Variants in RHBDD1 observed in about 807,000 individuals in gnomAD.
The protein encoded by RHBDD1 is rhomboid domain containing 1, also known as rhomboid-related protein 4.
RHBDD1 carries 38 observed loss-of-function variants against 36.3 expected under a neutral mutation model. The ratio of observed to expected loss-of-function variants is 1.05; its 90% CI spans 0.81 to 1.37. The LOEUF (loss-of-function observed/expected upper bound fraction) is 1.37, where lower values mean the gene tolerates loss of function less well. Among genes scored for constraint, RHBDD1 ranks in the 40% most tolerant of loss-of-function variants. RHBDD1 has a pLI of 0.00. For synonymous variants in RHBDD1, 151 were observed against 136.5 expected, an observed-to-expected ratio of 1.11 and a Z score of -0.74; for missense variants, 393 against 377.6, an observed-to-expected ratio of 1.04 and a Z score of -0.34.
At chr2:226,894,637 T>G (rs1946952068) in intron 5 of RHBDD1, among the ~76,000 whole-genome samples, 1 of 152,224 alleles carries the variant, frequency 6.6e-6, no homozygotes, top group Non-Finnish European at 1.5e-5. Context: ...TTATGTTGAC[T>G]TGTGATTGTG....
intron 5 of RHBDD1, among the ~76,000 whole-genome samples, chr2:226,885,015 C>T (rs912454967): frequency 6.6e-6 from 1 of 152,018 alleles, no homozygotes; most frequent in African/African-American, 2.4e-5. Flanking sequence ...GGCAGATTGG[C>T]AAAGGCTATC....
chr2:226,942,159 T>C (rs918669508), intron 8 of RHBDD1, among the ~76,000 whole-genome samples: 1 of 152,088 alleles, frequency 6.6e-6, no homozygotes, highest in African/African-American at 2.4e-5. Flanking sequence ...CTTGTAAGTC[T>C]GTAGCCTGTC....
At chr2:226,806,706 T>C in the RHBDD1 span, among the ~76,000 whole-genome samples, 1 of 152,320 alleles carries the variant, frequency 6.6e-6, no homozygotes. Context: ...TCAGATCTTT[T>C]TACTCTTTCT....
At chr2:226,834,661 C>A (rs1341333926), upstream of RHBDD1, among the ~76,000 whole-genome samples, 1 of 152,198 alleles carries the variant, frequency 6.6e-6, no homozygotes, top group Non-Finnish European at 1.5e-5. Context: ...TATCTAAACA[C>A]AGCTGCTACA....
intron 5 of RHBDD1, among the ~76,000 whole-genome samples, chr2:226,870,888 G>T (rs1944747278): frequency 1.3e-5 from 2 of 152,118 alleles, no homozygotes; most frequent in African/African-American, 4.8e-5. Flanking sequence ...GGAGAATAGG[G>T]GGAGGAGTTG....
intron 8 of RHBDD1, among the ~76,000 whole-genome samples, chr2:226,966,709 C>A (rs1952657657): frequency 6.6e-6 from 1 of 152,132 alleles, no homozygotes; most frequent in South Asian, 2.1e-4. Flanking sequence ...AAAGTGTTGC[C>A]TGGAAGCTTG....
At chr2:226,887,330 T>C (rs1252022648) in intron 5 of RHBDD1, among the ~76,000 whole-genome samples, 1 of 152,262 alleles carries the variant, frequency 6.6e-6, no homozygotes, top group African/African-American at 2.4e-5. Flanking sequence ...TCTGTAGTTG[T>C]AGATTTCATT....
intron 8 of RHBDD1, among the ~76,000 whole-genome samples, chr2:226,945,403 T>TA (rs1440244353): frequency 6.6e-6 from 1 of 151,984 alleles, no homozygotes; most frequent in Non-Finnish European, 1.5e-5. Flanking sequence ...AGTGAGAACA[T>TA]ATGGTGTTTG....
intron 8 of RHBDD1, among the ~76,000 whole-genome samples, chr2:226,965,176 G>C (rs1226041398): frequency 6.6e-6 from 1 of 152,146 alleles, no homozygotes; most frequent in Non-Finnish European, 1.5e-5. Context: ...GGAGAAAGCA[G>C]ACACAGATGA....
chr2:226,874,952 A>C (rs1216030765), intron 5 of RHBDD1, among the ~76,000 whole-genome samples: 9 of 152,240 alleles, frequency 5.9e-5, no homozygotes, highest in Non-Finnish European at 1.3e-4. Flanking sequence ...TCAAAACCCA[A>C]ATCACATAGT....
chr2:226,943,032 C>G (rs993334706), intron 8 of RHBDD1, among the ~76,000 whole-genome samples: 4 of 152,136 alleles, frequency 2.6e-5, no homozygotes, highest in South Asian at 2.1e-4. Flanking sequence ...TGTTGTGTTG[C>G]TGGTGAGAAA....
At chr2:226,818,739 T>C in the RHBDD1 span, among the ~76,000 whole-genome samples, 1 of 151,794 alleles carries the variant, frequency 6.6e-6, no homozygotes, top group African/African-American at 2.4e-5. Context: ...CTTGGGAGGC[T>C]GAGGCAGGAG....
At chr2:226,934,654 A>G (rs1484772597) in intron 8 of RHBDD1, among the ~76,000 whole-genome samples, 1 of 152,102 alleles carries the variant, frequency 6.6e-6, no homozygotes, top group Non-Finnish European at 1.5e-5. Context: ...TACTACTAAC[A>G]AAAATCTTGT....
intron 5 of RHBDD1, among the ~76,000 whole-genome samples, chr2:226,906,530 C>G (rs1049578057): frequency 2.6e-5 from 4 of 152,210 alleles, no homozygotes; most frequent in Non-Finnish European, 5.9e-5. Context: ...GCTTCCACTG[C>G]TCTGGAGGAG....
At chr2:226,954,279 T>C (rs1055642588) in intron 8 of RHBDD1, among the ~76,000 whole-genome samples, 19 of 152,166 alleles carry the variant, frequency 1.2e-4, no homozygotes, top group African/African-American at 4.1e-4. Flanking sequence ...GGGTGATTGA[T>C]TTTTTTAAAT....
intron 3 of RHBDD1, among the ~76,000 whole-genome samples, chr2:226,853,961 T>C (rs931333573): frequency 4.0e-5 from 6 of 148,838 alleles, no homozygotes; most frequent in African/African-American, 1.6e-4. Context: ...GACCCGCTAA[T>C]CGATAAGGTG....
intron 3 of RHBDD1, among the ~76,000 whole-genome samples, chr2:226,853,624 TTCTG>T (rs1216595507): frequency 2.6e-5 from 4 of 152,186 alleles, no homozygotes; most frequent in Admixed American, 6.5e-5. Flanking sequence ...AAAGTGGAAT[TTCTG>T]TCTGTCTTTC....
At chr2:226,937,983 G>T (rs1226880884) in intron 8 of RHBDD1, among the ~76,000 whole-genome samples, 1 of 152,160 alleles carries the variant, frequency 6.6e-6, no homozygotes, top group Non-Finnish European at 1.5e-5. Flanking sequence ...GGGTTGAATG[G>T]TATTTCTGTT....
At chr2:226,905,683 C>A (rs1024556680) in intron 5 of RHBDD1, among the ~76,000 whole-genome samples, 3 of 152,164 alleles carry the variant, frequency 2.0e-5, no homozygotes, top group African/African-American at 7.2e-5. Context: ...GGATGATTTT[C>A]TTTCATTTAT....
Sources: allele counts gnomAD v4.1 joint callset (sites outside exome capture counted in the v4.1 genomes callset), GRCh38; gene constraint gnomAD v4.1.1; transcripts MANE v1.5; gene names NCBI Gene and HGNC (gene_info 2026-07-23, HGNC 2026-07-21).